The following TYW1 variants were observed in gnomAD, a reference collection of about 807,000 sequenced individuals.
The protein encoded by TYW1 is S-adenosyl-L-methionine-dependent tRNA 4-demethylwyosine synthase TYW1.
In TYW1, 46 loss-of-function variants were observed where a neutral mutation model predicts 96.2. The ratio of observed to expected loss-of-function variants is 0.48; its 90% confidence interval spans 0.38 to 0.61. The LOEUF is 0.61. Ranked by LOEUF, TYW1 falls within the 20% of genes least tolerant of loss-of-function variation. The pLI is 0.00. For missense variants in TYW1, 684 were observed against 909.6 expected (o/e 0.75, Z 3.19); for synonymous variants, 274 against 323.0 (o/e 0.85, Z 1.63).
At position 67,000,101 on chromosome 7, in the gene TYW1, A is replaced by G. The variant is rs368510298; in HGVS notation, c.273+1147A>G. On this transcript the variant is annotated intron_variant, in intron 3 of 15. Coordinates refer to ENST00000359626, the MANE Select transcript of TYW1 (RefSeq NM_018264.4). ...TAGGTGCATGCCACCATACCCAGCT[A>G]ATTTTTGTACTTTTTGTAGAGATGG... 3.3e-5 allele frequency among the ~76,000 whole-genome samples: 5 copies of G among 151,222 alleles called. No individual in the cohort carries two copies. The East Asian group carries it at 5.9e-4, about 18-fold the overall frequency.
At chr7:66,997,801 G>A (rs11770114) in intron 1 of TYW1, among the ~76,000 whole-genome samples, 16,435 of 152,018 alleles carry the variant, frequency 0.11, 934 homozygotes, top group Middle Eastern at 0.14. Flanking sequence ...GCTAATTTTT[G>A]TATTTTTAGT....
intron 15 of TYW1, among the ~76,000 whole-genome samples, chr7:67,200,551 G>A (rs1800560299): frequency 6.6e-6 from 1 of 152,102 alleles, no homozygotes. Flanking sequence ...CCATGATTCA[G>A]TTATCTCCCA....
chr7:67,213,631 C>T (rs1801114134), intron 15 of TYW1, among the ~76,000 whole-genome samples: 1 of 152,160 alleles, frequency 6.6e-6, no homozygotes, highest in Non-Finnish European at 1.5e-5. Flanking sequence ...TAGATTTCCT[C>T]CCATGCTATT....
intron 13 of TYW1, among the ~76,000 whole-genome samples, chr7:67,154,836 T>C (rs1798915703): frequency 6.6e-6 from 1 of 152,158 alleles, no homozygotes; most frequent in Admixed American, 6.5e-5. Context: ...GTTTGCTTTA[T>C]GGTGTCCTGC....
intron 15 of TYW1, among the ~76,000 whole-genome samples, chr7:67,235,184 C>G (rs189931491): frequency 0.014 from 2,127 of 152,198 alleles, 49 homozygotes; most frequent in African/African-American, 0.049. Context: ...CACTGGGATC[C>G]CCAAAGAGAC....
chr7:67,099,163 CT>C (rs1190086642), intron 12 of TYW1, among the ~76,000 whole-genome samples: 1 of 151,770 alleles, frequency 6.6e-6, no homozygotes, highest in Non-Finnish European at 1.5e-5. Flanking sequence ...GTAGCTGGGT[CT>C]ACAGGCGCCT....
Position 67,195,355 on chromosome 7 carries a change from A to G in TYW1, c.1977+18A>G. On this transcript the variant is annotated intron_variant, in intron 15 of 15. Coordinates refer to ENST00000359626, the MANE Select transcript of TYW1 (RefSeq NM_018264.4). ...ACAGAAAGGTAAGAATAACTCAAAC[A>G]TGGATTCTTCTGTTCCCCGACCCTG... is the stretch of plus-strand genomic sequence containing the variant. 6.2e-7 allele frequency: 1 copy of G among 1,613,128 alleles called. No individual in the cohort carries two copies. Among genetic ancestry groups the G allele is most frequent in the Non-Finnish European group, 8.5e-7 (1 of 1,179,436 alleles).
chr7:67,183,187 C>T lies in TYW1; in HGVS notation c.1760C>T (p.Ala587Val). 6.2e-7 allele frequency: 1 copy of T among 1,611,458 alleles called. No homozygotes were observed. Among genetic ancestry groups the T allele is most frequent in the Non-Finnish European group, 8.5e-7 (1 of 1,178,690 alleles). ...GCATGGAACGTGGACGAGCTCCAGGCCTACGCGCAGCTCGTGTCCCTGGGG... is the reference window on the plus strand; with the variant it reads ...GCATGGAACGTGGACGAGCTCCAGGTCTACGCGCAGCTCGTGTCCCTGGGG... Reference protein sequence around the residue: ...VKAWNVDELQAYAQLVSLGNP... With the variant: ...VKAWNVDELQVYAQLVSLGNP... Residue 587 changes from alanine to valine, a missense_variant, in exon 14 of 16, where the codon GCC becomes GTC. Ala to Val is a moderately conservative substitution (Grantham distance 64). Coordinates refer to ENST00000359626, the MANE Select transcript of TYW1 (RefSeq NM_018264.4).
intron 7 of TYW1, among the ~76,000 whole-genome samples, chr7:67,035,226 C>T (rs11760521): frequency 0.11 from 16,700 of 151,250 alleles, 962 homozygotes; most frequent in Middle Eastern, 0.15. Flanking sequence ...TTAAGTGATT[C>T]TCCTGCCTCA....
intron 15 of TYW1, among the ~76,000 whole-genome samples, chr7:67,221,859 G>GCC (rs1211842030): frequency 1.3e-3 from 145 of 113,632 alleles, no homozygotes; most frequent in African/African-American, 4.9e-3. Context: ...ACTAATACTT[G>GCC]TCTTTTTTTT....
At chr7:67,119,138 C>A (rs1373093447) in intron 13 of TYW1, among the ~76,000 whole-genome samples, 1 of 151,160 alleles carries the variant, frequency 6.6e-6, no homozygotes, top group African/African-American at 2.4e-5. Flanking sequence ...TCCTTCCTTC[C>A]TTGCTTCCTT....
chr7:67,112,618 A>T (rs540816885), intron 12 of TYW1, among the ~76,000 whole-genome samples: 2 of 66,056 alleles, frequency 3.0e-5, no homozygotes, highest in South Asian at 4.8e-4. Flanking sequence ...TCTTGTCTTT[A>T]AAAAAAAAAA....
At chr7:67,103,368 A>C (rs1199105629) in intron 12 of TYW1, among the ~76,000 whole-genome samples, 1 of 152,222 alleles carries the variant, frequency 6.6e-6, no homozygotes, top group African/African-American at 2.4e-5. Flanking sequence ...CATTTTCCCA[A>C]TGAAAGATTT....
intron 4 of TYW1, among the ~76,000 whole-genome samples, chr7:67,013,749 T>C (rs1047238641): frequency 7.1e-6 from 1 of 141,830 alleles, no homozygotes; most frequent in Non-Finnish European, 1.5e-5. Context: ...CTTTTTTTTT[T>C]TTTTTTTTTT....
chr7:67,138,703 C>T (rs1798350357), intron 13 of TYW1, among the ~76,000 whole-genome samples: 1 of 152,102 alleles, frequency 6.6e-6, no homozygotes, highest in South Asian at 2.1e-4. Flanking sequence ...ATTTTTCGAT[C>T]CCACAGTTAA....
chr7:66,998,860 A>G lies in TYW1; in HGVS notation c.179A>G (p.Asp60Gly), dbSNP rs1793282099. Residue 60 changes from aspartate to glycine, a missense_variant, in exon 3 of 16, where the codon GAT becomes GGT. By Grantham distance (94) the Asp-to-Gly change is moderately conservative. Transcript: ENST00000359626. ...AAATCTGTTCCAAAAGCAGCTCAGG[A>G]TTTGATGACAAATGGTTATGTCTCC... is the stretch of plus-strand genomic sequence containing the variant. The part of the protein sequence containing the change: ...QEKSVPKAAQ[D>G]LMTNGYVSLQ... 1 of 1,614,062 alleles carries G rather than the reference A, an allele frequency of 6.2e-7. No individual in the cohort carries two copies. The highest frequency in any genetic ancestry group is 1.1e-5 in the South Asian group (1 of 91,088).
At chr7:67,215,288 C>T (rs1801166416) in intron 15 of TYW1, among the ~76,000 whole-genome samples, 1 of 152,024 alleles carries the variant, frequency 6.6e-6, no homozygotes, top group Non-Finnish European at 1.5e-5. Context: ...CCCACCCCCA[C>T]TTGACGCAGT....
At chr7:67,174,133 G>T (rs1584654194) in intron 13 of TYW1, among the ~76,000 whole-genome samples, 2 of 149,810 alleles carry the variant, frequency 1.3e-5, no homozygotes, top group East Asian at 3.9e-4. Flanking sequence ...GTCACATTAG[G>T]ACCCCCTTCC....
chr7:67,195,478 A>G (rs1800363605), intron 15 of TYW1, 141 bp downstream of exon 15: 2 of 1,290,806 alleles, frequency 1.5e-6, no homozygotes, highest in African/African-American at 1.5e-5. Context: ...ATAAGAGAGC[A>G]CTAAATTCTG....
Sources: gnomAD v4.1 joint callset for allele counts (sites outside exome capture counted in the v4.1 genomes callset) on GRCh38, gnomAD v4.1.1 for gene constraint, MANE v1.5 for transcripts, NCBI Gene and HGNC (gene_info 2026-07-23, HGNC 2026-07-21) for gene names.